INTS15: variants seen among roughly 807,000 people sequenced by gnomAD.
The protein encoded by INTS15 is uncharacterized protein C7orf26.
chr7:6,600,031 C>T, the INTS15 span: 28 of 1,614,056 alleles, frequency 1.7e-5, no homozygotes, highest in South Asian at 3.3e-5. Flanking sequence ...AGAAGCCCCC[C>T]TTATCCAATG....
chr7:6,608,016 C>T, the INTS15 span: 1 of 1,600,394 alleles, frequency 6.2e-7, no homozygotes, highest in Non-Finnish European at 8.5e-7. Context: ...GCCGCGCTCC[C>T]CCCGGGGTTC....
At chr7:6,595,661 A>G in the INTS15 span, among the ~76,000 whole-genome samples, 1 of 152,118 alleles carries the variant, frequency 6.6e-6, no homozygotes, top group African/African-American at 2.4e-5. Flanking sequence ...ATTTCTTATC[A>G]TCCCCATACT....
At chr7:6,592,305 C>A in the INTS15 span, among the ~76,000 whole-genome samples, 1 of 151,966 alleles carries the variant, frequency 6.6e-6, no homozygotes, top group Non-Finnish European at 1.5e-5. Context: ...GTGGTTCACT[C>A]CTGTAATCCC....
chr7:6,594,436 G>A, the INTS15 span: 3 of 1,613,928 alleles, frequency 1.9e-6, no homozygotes, highest in Middle Eastern at 1.7e-4. Flanking sequence ...TCTTTCCAGC[G>A]GACGCCCGTG....
chr7:6,600,186 G>A, the INTS15 span: 85 of 1,614,210 alleles, frequency 5.3e-5, no homozygotes, highest in Non-Finnish European at 6.9e-5. Flanking sequence ...CTGTATGGGC[G>A]CCTGGGGCTG....
chr7:6,591,621 C>T, the INTS15 span: 19 of 1,599,226 alleles, frequency 1.2e-5, no homozygotes, highest in African/African-American at 6.7e-5. Flanking sequence ...CATTTCTTAA[C>T]GCTTTTCCGG....
At chr7:6,598,758 T>TGTGTGTGTGTGTGG in the INTS15 span, among the ~76,000 whole-genome samples, 1 of 105,604 alleles carries the variant, frequency 9.5e-6, no homozygotes, top group African/African-American at 5.6e-5. Context: ...TGTGTGTGTG[T>TGTGTGTGTGTGTGG]GTGTGTGTGT....
the INTS15 span, chr7:6,599,777 C>T: frequency 6.4e-7 from 1 of 1,568,210 alleles, no homozygotes. Flanking sequence ...CCACTTCCCG[C>T]CCCTGTCCTC....
the INTS15 span, chr7:6,602,214 C>A: frequency 7.5e-7 from 1 of 1,327,594 alleles, no homozygotes; most frequent in Non-Finnish European, 1.1e-6. Context: ...AGGGCGAGCC[C>A]CTTTGTCCTG....
At chr7:6,590,136 A>G in the INTS15 span, 5 of 594,856 alleles carry the variant, frequency 8.4e-6, no homozygotes, top group East Asian at 1.9e-4. Flanking sequence ...CTGAGCAGGC[A>G]GGGAGCAGGC....
At chr7:6,592,172 A>G in the INTS15 span, among the ~76,000 whole-genome samples, 18 of 150,822 alleles carry the variant, frequency 1.2e-4, no homozygotes, top group South Asian at 3.6e-3. Context: ...CTCCGTCTCA[A>G]AAAAAAAAGA....
chr7:6,596,376 CTTTTT>C, the INTS15 span, among the ~76,000 whole-genome samples: 1 of 107,888 alleles, frequency 9.3e-6, no homozygotes, highest in African/African-American at 3.5e-5. Flanking sequence ...ATCTGTCACC[CTTTTT>C]TTTTTTTTTT....
At chr7:6,608,216 AG>A in the INTS15 span, 1 of 1,530,462 alleles carries the variant, frequency 6.5e-7, no homozygotes. Flanking sequence ...TCGAGATGGA[AG>A]GGGTGGCCGG....
At chr7:6,608,587 G>C in the INTS15 span, 1 of 1,007,726 alleles carries the variant, frequency 9.9e-7, no homozygotes, top group Non-Finnish European at 1.2e-6. Flanking sequence ...CCCAGGCTGC[G>C]TAGTGACCAC....
At chr7:6,607,533 T>G in the INTS15 span, 2 of 1,315,086 alleles carry the variant, frequency 1.5e-6, no homozygotes, top group Non-Finnish European at 2.0e-6. This position sits in a 1 kb window ranked among gnomAD's most constrained non-coding sequence, Gnocchi z 6.0. Context: ...ATTCTGAATT[T>G]CAGGACTCTG....
chr7:6,591,754 C>A, the INTS15 span: 1 of 1,614,020 alleles, frequency 6.2e-7, no homozygotes, highest in Non-Finnish European at 8.5e-7. Context: ...CCTTTTCAGC[C>A]CTCAAGGGAA....
At chr7:6,607,467 G>T in the INTS15 span, 2 of 1,193,230 alleles carry the variant, frequency 1.7e-6, no homozygotes, top group African/African-American at 1.6e-5. This position sits in a 1 kb window ranked among gnomAD's most constrained non-coding sequence, Gnocchi z 6.0. Context: ...GGTCCCGGAG[G>T]TCTGTAACGG....
chr7:6,602,240 G>A, the INTS15 span: 1 of 907,574 alleles, frequency 1.1e-6, no homozygotes, highest in Non-Finnish European at 1.7e-6. Flanking sequence ...TTTGGGGAGA[G>A]CCCAGTAAGC....
At chr7:6,594,885 G>C in the INTS15 span, among the ~76,000 whole-genome samples, 17 of 151,516 alleles carry the variant, frequency 1.1e-4, no homozygotes, top group South Asian at 3.3e-3. Context: ...CACTACTCCT[G>C]GCTAATTTTT....
Sources: allele counts gnomAD v4.1 joint callset (sites outside exome capture counted in the v4.1 genomes callset), GRCh38; gene constraint gnomAD v4.1.1; non-coding constraint Gnocchi (gnomAD v3.1); transcripts MANE v1.5; gene names NCBI Gene and HGNC (gene_info 2026-07-23, HGNC 2026-07-21).